The following CSMD1 variants were observed in gnomAD, a reference collection of about 807,000 sequenced individuals.
CSMD1 encodes CUB and sushi domain-containing protein 1.
CSMD1 carries 213 observed loss-of-function variants against 417.5 expected under a neutral mutation model. That is an observed-to-expected ratio of 0.51 (90% CI 0.46 to 0.57). The LOEUF is 0.57. Among genes scored for constraint, CSMD1 ranks in the 20% least tolerant of loss-of-function variants. The pLI, the probability that CSMD1 is intolerant of heterozygous loss-of-function variation, is 0.00. For synonymous variants in CSMD1, 2,862 were observed against 1,736.8 expected, an observed-to-expected ratio of 1.65 and a Z score of -16.11; for missense variants, 6,923 against 4,529.7, an observed-to-expected ratio of 1.53 and a Z score of -15.17.
chr8:3,561,432 C>G (rs113654650), intron 10 of CSMD1, among the ~76,000 whole-genome samples: 1 of 151,828 alleles, frequency 6.6e-6, no homozygotes, highest in Admixed American at 6.7e-5. Flanking sequence ...TATCTTTACA[C>G]CATGGATACC....
chr8:4,132,152 G>A (rs1282700324), intron 3 of CSMD1, among the ~76,000 whole-genome samples: 1 of 151,070 alleles, frequency 6.6e-6, no homozygotes, highest in African/African-American at 2.4e-5. Context: ...CTACAGATCA[G>A]CTGTTGCCTG....
intron 1 of CSMD1, among the ~76,000 whole-genome samples, chr8:4,933,505 A>C (rs1464669192): frequency 6.6e-6 from 1 of 152,212 alleles, no homozygotes; most frequent in Admixed American, 6.5e-5. Flanking sequence ...AAATGCCAGC[A>C]GTTGCTCTGT....
At chr8:3,894,637 C>G (rs1296050652) in intron 5 of CSMD1, among the ~76,000 whole-genome samples, 1 of 152,106 alleles carries the variant, frequency 6.6e-6, no homozygotes, top group East Asian at 1.9e-4. Flanking sequence ...TAAGGCTAAA[C>G]AAGACTTCAC....
At position 4,795,611 on chromosome 8, in the gene CSMD1, TAAC is replaced by T. The variant is rs370730321; in HGVS notation, c.86-158056_86-158054del. ...TTTTCTGTTTTTTCTTCTTTAACCA[TAAC>T]AACACACACTTGTTCCTCAGAAAGG... On this transcript the variant is annotated intron_variant, in intron 1 of 69. Transcript: ENST00000635120. 7.6e-4 allele frequency among the ~76,000 whole-genome samples: 116 copies of T among 152,180 alleles called. 1 individual carries two copies. The East Asian group carries it at 0.02, about 27-fold the overall frequency.
At chr8:4,028,929 G>A (rs1488613019) in intron 4 of CSMD1, among the ~76,000 whole-genome samples, 1 of 152,182 alleles carries the variant, frequency 6.6e-6, no homozygotes, top group Non-Finnish European at 1.5e-5. Flanking sequence ...CATTGGAACA[G>A]TAAAATAGTA....
chr8:3,642,992 A>T (rs1020218842), intron 7 of CSMD1, among the ~76,000 whole-genome samples: 10 of 151,794 alleles, frequency 6.6e-5, no homozygotes, highest in African/African-American at 1.2e-4. Flanking sequence ...TTAATAAATT[A>T]AAAAAAATAG....
chr8:3,197,351 A>C (rs527908887), intron 33 of CSMD1, among the ~76,000 whole-genome samples: 5 of 152,334 alleles, frequency 3.3e-5, no homozygotes, highest in Admixed American at 2.6e-4. Flanking sequence ...CAACCACGGA[A>C]GACATAAAGT....
At chr8:3,248,819 A>C (rs149260622) in intron 26 of CSMD1, among the ~76,000 whole-genome samples, 16 of 152,228 alleles carry the variant, frequency 1.1e-4, no homozygotes, top group African/African-American at 3.9e-4. Context: ...TCACTTGGCT[A>C]AATTCTACTT....
chr8:4,889,202 G>A (rs1359000491), intron 1 of CSMD1, among the ~76,000 whole-genome samples: 1 of 152,104 alleles, frequency 6.6e-6, no homozygotes, highest in African/African-American at 2.4e-5. Flanking sequence ...CCCCAACCAA[G>A]TGTCAAAGCT....
intron 5 of CSMD1, among the ~76,000 whole-genome samples, chr8:3,865,564 G>A (rs954816674): frequency 7.2e-5 from 11 of 152,022 alleles, no homozygotes; most frequent in Non-Finnish European, 7.4e-5. Context: ...ACGTACAGTG[G>A]GAAGCCGCAG....
chr8:3,154,222 C>T (rs1333980737), intron 39 of CSMD1, among the ~76,000 whole-genome samples: 6 of 152,218 alleles, frequency 3.9e-5, no homozygotes, highest in Admixed American at 3.9e-4. Flanking sequence ...ATCCACCTGC[C>T]TCGGCCTCCC....
intron 10 of CSMD1, among the ~76,000 whole-genome samples, chr8:3,525,310 G>C (rs1451222650): frequency 6.6e-6 from 1 of 152,142 alleles, no homozygotes; most frequent in Non-Finnish European, 1.5e-5. Flanking sequence ...AAAGGAATTA[G>C]CATTTCCAGT....
At chr8:4,790,818 A>G (rs978088166) in intron 1 of CSMD1, among the ~76,000 whole-genome samples, 2 of 152,214 alleles carry the variant, frequency 1.3e-5, no homozygotes, top group Non-Finnish European at 2.9e-5. Context: ...CTTTCACCAT[A>G]TAAGAAAATC....
At chr8:4,090,245 A>T (rs1397244923) in intron 3 of CSMD1, among the ~76,000 whole-genome samples, 2 of 152,186 alleles carry the variant, frequency 1.3e-5, no homozygotes, top group East Asian at 3.9e-4. Context: ...AGAAGTTATC[A>T]CGTAAGCCCT....
chr8:4,810,142 T>A lies in CSMD1; in HGVS notation c.86-172584A>T, dbSNP rs375678042. ...TTAGTTAAGGATTTAAGCCTACCATTTTATATAATTCTAAAATATTTTATG... is the reference window on the plus strand; with the variant it reads ...TTAGTTAAGGATTTAAGCCTACCATATTATATAATTCTAAAATATTTTATG... On this transcript the variant is annotated intron_variant, in intron 1 of 69. Coordinates refer to ENST00000635120, the MANE Select transcript of CSMD1 (RefSeq NM_033225.6). 4.6e-5 allele frequency among the ~76,000 whole-genome samples: 7 copies of A among 152,314 alleles called. No homozygotes were observed. In the East Asian group the frequency reaches 1.2e-3, roughly 25 times the overall value.
chr8:3,099,987 C>T (rs1815613560), intron 46 of CSMD1, among the ~76,000 whole-genome samples: 1 of 152,074 alleles, frequency 6.6e-6, no homozygotes, highest in Non-Finnish European at 1.5e-5. Flanking sequence ...TTCAGTCATA[C>T]ATATTGTTTT....
At chr8:3,912,369 A>G (rs1808518161) in intron 5 of CSMD1, among the ~76,000 whole-genome samples, 2 of 152,208 alleles carry the variant, frequency 1.3e-5, no homozygotes, top group Admixed American at 1.3e-4. Context: ...GATTTACTAC[A>G]TTCAAGGCAA....
chr8:3,574,609 C>A (rs972429368), intron 10 of CSMD1, among the ~76,000 whole-genome samples: 2 of 152,154 alleles, frequency 1.3e-5, no homozygotes, highest in African/African-American at 4.8e-5. Flanking sequence ...TCATACTATG[C>A]ATAAATACTG....
intron 10 of CSMD1, among the ~76,000 whole-genome samples, chr8:3,569,625 C>G (rs568156079): frequency 6.6e-6 from 1 of 152,162 alleles, no homozygotes; most frequent in Non-Finnish European, 1.5e-5. Flanking sequence ...TGCATGGAAA[C>G]TTTATGTAAC....
Sources: gnomAD v4.1 joint callset for allele counts (sites outside exome capture counted in the v4.1 genomes callset) on GRCh38, gnomAD v4.1.1 for gene constraint, MANE v1.5 for transcripts, NCBI Gene and HGNC (gene_info 2026-07-23, HGNC 2026-07-21) for gene names.